ZNF562: variants seen among roughly 807,000 people sequenced by gnomAD.
ZNF562 encodes zinc finger protein 562.
Under a neutral mutation model 17.5 loss-of-function variants are expected in ZNF562, and 13 were observed. That is an observed-to-expected ratio of 0.74 (90% CI 0.48 to 1.18). ZNF562 has a LOEUF of 1.18. ZNF562 is among the 50% of genes most tolerant of loss of function. ZNF562 has a pLI of 0.00. For synonymous variants in ZNF562, 163 were observed against 165.4 expected (o/e 0.99, Z 0.11); for missense variants, 481 against 498.5 (o/e 0.96, Z 0.33).
chr19:9,660,622 A>G, intron 2 of ZNF562, 98 bp downstream of exon 2: 1 of 1,259,550 alleles, frequency 7.9e-7, no homozygotes, highest in Non-Finnish European at 1.1e-6. Flanking sequence ...AAAAAAAAAA[A>G]AGCAGCATGC....
At chr19:9,674,958 A>G (rs921255272) in intron 1 of ZNF562, 57 bp downstream of exon 1, 1 of 152,622 alleles carries the variant, frequency 6.6e-6, no homozygotes, top group African/African-American at 2.4e-5. Context: ...ACCACGCCCA[A>G]TCCTTCCTTT....
At chr19:9,673,698 A>G (rs1046862375) in intron 1 of ZNF562, among the ~76,000 whole-genome samples, 1 of 152,222 alleles carries the variant, frequency 6.6e-6, no homozygotes, top group Non-Finnish European at 1.5e-5. Context: ...ACACGCGTTC[A>G]TATTTACATA....
chr19:9,663,574 T>G (rs1453992363), intron 1 of ZNF562, among the ~76,000 whole-genome samples: 2 of 146,050 alleles, frequency 1.4e-5, no homozygotes, highest in Non-Finnish European at 3.0e-5. Context: ...GATGGGTTTT[T>G]TTTTGTTTTG....
chr19:9,672,698 G>A lies in ZNF562; in HGVS notation c.-131+2317C>T, dbSNP rs373477054. Among the ~76,000 whole-genome samples, 29 of 151,766 alleles carry A rather than the reference G, an allele frequency of 1.9e-4. No homozygotes were observed. The East Asian group carries it at 5.2e-3, about 27-fold the overall frequency. Reference sequence around the variant, plus strand: ...CATTCTTTCTTCCTGGTTCCTGGAGGCCTCTGTTTTGAAGCACTGTGGGGA... The same window carrying A: ...CATTCTTTCTTCCTGGTTCCTGGAGACCTCTGTTTTGAAGCACTGTGGGGA... On this transcript the variant is annotated intron_variant, in intron 1 of 5. Coordinates refer to ENST00000453372, the MANE Select transcript of ZNF562 (RefSeq NM_001130031.2).
Position 9,650,140 on chromosome 19 carries a change from C to T in ZNF562, c.*2809G>A, listed in dbSNP as rs2144949247. The stretch of plus-strand genomic sequence containing the variant: ...TAGAGTGCATATCTCACCAGAACTG[C>T]AAAGACAAGTATGCTGGTATTACTA... On this transcript the variant is annotated 3_prime_UTR_variant, in exon 6 of 6. Coordinates refer to ENST00000453372, the MANE Select transcript of ZNF562 (RefSeq NM_001130031.2). The T allele has an allele frequency of 6.6e-6, 1 of 152,218 alleles. No individual in the cohort carries two copies. Among genetic ancestry groups the T allele is most frequent in the African/African-American group, 2.4e-5 (1 of 41,550 alleles). 9.4% of individuals were successfully genotyped at this position (152,218 alleles called of 1,614,324 possible).
chr19:9,664,152 T>A (rs866590189), intron 1 of ZNF562, among the ~76,000 whole-genome samples: 46 of 152,222 alleles, frequency 3.0e-4, no homozygotes, highest in Middle Eastern at 3.4e-3. Flanking sequence ...CACTGCAACC[T>A]CCGCCTCTTT....
At chr19:9,673,197 T>G (rs1438493650) in intron 1 of ZNF562, among the ~76,000 whole-genome samples, 4 of 151,914 alleles carry the variant, frequency 2.6e-5, no homozygotes, top group African/African-American at 4.8e-5. Context: ...GCCAATAGGG[T>G]CAGTTTAGAT....
chr19:9,655,751 T>A (rs2043453463), intron 5 of ZNF562, among the ~76,000 whole-genome samples: 1 of 96,726 alleles, frequency 1.0e-5, no homozygotes, highest in Non-Finnish European at 2.0e-5. Context: ...TTTTTTTTTT[T>A]TAGATGGAGT....
In ZNF562 at chr19:9,652,907, T is replaced by G. The variant is rs114064884; in HGVS notation, c.*42A>C. 13 of 1,461,044 alleles carry G rather than the reference T, an allele frequency of 8.9e-6. No individual in the cohort carries two copies. Among genetic ancestry groups the G allele is most frequent in the Non-Finnish European group, 1.2e-5 (13 of 1,103,762 alleles). The allele number at this position is 1,461,044 out of a possible 1,614,324, so 90.5% of individuals were successfully genotyped here. On this transcript the variant is annotated 3_prime_UTR_variant, in exon 6 of 6. Coordinates refer to ENST00000453372, the MANE Select transcript of ZNF562 (RefSeq NM_001130031.2). ...TTTCTCTCTGGTAGGAGTTCACAGGTGGGGTGAGGAATACAGAAATTCTTT... is the reference window on the plus strand; with the variant it reads ...TTTCTCTCTGGTAGGAGTTCACAGGGGGGGTGAGGAATACAGAAATTCTTT...
chr19:9,672,264 G>T (rs61580479), intron 1 of ZNF562, among the ~76,000 whole-genome samples: 2 of 152,042 alleles, frequency 1.3e-5, no homozygotes, highest in Admixed American at 6.6e-5. Context: ...TAGTTATTAC[G>T]GAAAGTAGAC....
chr19:9,672,681 C>G (rs1320631150), intron 1 of ZNF562, among the ~76,000 whole-genome samples: 1 of 151,638 alleles, frequency 6.6e-6, no homozygotes, highest in Non-Finnish European at 1.5e-5. Context: ...TCCATTCTTT[C>G]TTCCTGGTTC....
intron 1 of ZNF562, among the ~76,000 whole-genome samples, chr19:9,663,917 T>C (rs1480467061): frequency 1.4e-5 from 2 of 147,674 alleles, no homozygotes; most frequent in African/African-American, 2.5e-5. Context: ...TTCCCAGCTA[T>C]TTTTTTTTTG....
chr19:9,663,814 C>T (rs1392134544), intron 1 of ZNF562, among the ~76,000 whole-genome samples: 3 of 151,692 alleles, frequency 2.0e-5, no homozygotes, highest in African/African-American at 7.3e-5. Flanking sequence ...GTAGCTGGGA[C>T]TACAGGACTC....
intron 4 of ZNF562, 97 bp from the exon 5 acceptor site, chr19:9,656,750 C>T: frequency 1.6e-6 from 2 of 1,237,182 alleles, no homozygotes; most frequent in East Asian, 2.4e-5. Flanking sequence ...ACAGGCCAGG[C>T]ACGGTGACTC....
Position 9,653,844 on chromosome 19 carries a change from T to G in ZNF562, c.386A>C (p.Asn129Thr). 1 of 1,599,420 alleles carries G rather than the reference T, an allele frequency of 6.3e-7. No homozygotes were observed. Among genetic ancestry groups the G allele is most frequent in the Non-Finnish European group, 8.5e-7 (1 of 1,173,142 alleles). ...CTGTTCACTGAAGACCTCTCCACAA[T>G]TCTCACAGAGTTTCCATCCACTGTA... ...RSYSGWKLCE[N>T]CGEVFSEQFC... Residue 129 changes from asparagine to threonine, a missense_variant, in exon 6 of 6, where the codon AAT becomes ACT. Asn to Thr is a moderately conservative substitution (Grantham distance 65). Transcript: ENST00000453372.
chr19:9,671,263 A>C (rs560953089), intron 1 of ZNF562, among the ~76,000 whole-genome samples: 1 of 152,152 alleles, frequency 6.6e-6, no homozygotes, highest in South Asian at 2.1e-4. Flanking sequence ...TGAATCAAAA[A>C]AATTTTTCTG....
At chr19:9,665,733 G>A (rs1157685753) in intron 1 of ZNF562, among the ~76,000 whole-genome samples, 1 of 152,166 alleles carries the variant, frequency 6.6e-6, no homozygotes, top group Non-Finnish European at 1.5e-5. Context: ...TGAAAAGGAG[G>A]CGGTGACCTA....
chr19:9,666,849 C>CAACAAT (rs1204639884), intron 1 of ZNF562, among the ~76,000 whole-genome samples: 2 of 152,004 alleles, frequency 1.3e-5, no homozygotes, highest in Non-Finnish European at 2.9e-5. Context: ...AACCTCAACA[C>CAACAAT]AACAATAACA....
At chr19:9,665,454 C>G (rs1226643418) in intron 1 of ZNF562, among the ~76,000 whole-genome samples, 1 of 152,164 alleles carries the variant, frequency 6.6e-6, no homozygotes, top group Non-Finnish European at 1.5e-5. Flanking sequence ...CCCTCCCTGT[C>G]TCAACCCACA....
Sources: gnomAD v4.1 joint callset for allele counts (sites outside exome capture counted in the v4.1 genomes callset) on GRCh38, gnomAD v4.1.1 for gene constraint, MANE v1.5 for transcripts, NCBI Gene and HGNC (gene_info 2026-07-23, HGNC 2026-07-21) for gene names.